Variants in BMAL1 observed in about 807,000 individuals in gnomAD.
The protein encoded by BMAL1 is basic helix-loop-helix ARNT like 1, also known as basic helix-loop-helix ARNT-like protein 1.
the BMAL1 span, chr11:13,381,290 C>A: frequency 6.2e-7 from 1 of 1,601,972 alleles, no homozygotes; most frequent in Non-Finnish European, 8.5e-7. Context: ...GCTAGAGAAC[C>A]TCTTGCCCAA....
chr11:13,289,241 G>A, the BMAL1 span, among the ~76,000 whole-genome samples: 21 of 152,174 alleles, frequency 1.4e-4, no homozygotes, highest in Non-Finnish European at 2.9e-4. Context: ...TAGTGAAGAT[G>A]TACTGGCCCT....
the BMAL1 span, among the ~76,000 whole-genome samples, chr11:13,336,533 C>A: frequency 6.6e-6 from 1 of 152,236 alleles, no homozygotes; most frequent in East Asian, 1.9e-4. Flanking sequence ...GTCAGTCTAC[C>A]AGAAGCTTCC....
the BMAL1 span, chr11:13,355,186 G>A: frequency 1.2e-5 from 18 of 1,563,392 alleles, no homozygotes; most frequent in Middle Eastern, 1.7e-4. Context: ...AAATCTCCGA[G>A]GAGGTATACC....
chr11:13,378,227 C>G, the BMAL1 span: 1 of 1,390,240 alleles, frequency 7.2e-7, no homozygotes, highest in Non-Finnish European at 9.5e-7. Flanking sequence ...AGGCACAACT[C>G]TGATGTTGAA....
chr11:13,372,536 G>T, the BMAL1 span: 3 of 1,415,212 alleles, frequency 2.1e-6, no homozygotes, highest in African/African-American at 2.9e-5. Flanking sequence ...AAAGCTGGGT[G>T]CAGTGGCTCA....
chr11:13,373,926 AAAAG>A, the BMAL1 span, among the ~76,000 whole-genome samples: 2,069 of 152,192 alleles, frequency 0.014, 43 homozygotes, highest in African/African-American at 0.047. Flanking sequence ...ATGCCTGAAA[AAAAG>A]AGAGAAAGAT....
the BMAL1 span, among the ~76,000 whole-genome samples, chr11:13,314,631 A>G: frequency 4.6e-5 from 7 of 152,206 alleles, no homozygotes; most frequent in African/African-American, 1.7e-4. Context: ...TAATCCATCA[A>G]GGAATTCTCA....
the BMAL1 span, chr11:13,277,001 A>C: frequency 9.9e-5 from 15 of 152,254 alleles, no homozygotes; most frequent in African/African-American, 3.6e-4. Flanking sequence ...TCCGCGCTCG[A>C]GTATTCTCTT....
At chr11:13,316,940 C>T in the BMAL1 span, among the ~76,000 whole-genome samples, 1 of 152,202 alleles carries the variant, frequency 6.6e-6, no homozygotes, top group Non-Finnish European at 1.5e-5. Flanking sequence ...CATCAGCTCC[C>T]TGTCTGTCTA....
chr11:13,367,379 T>C, the BMAL1 span, among the ~76,000 whole-genome samples: 1 of 152,146 alleles, frequency 6.6e-6, no homozygotes, highest in Non-Finnish European at 1.5e-5. Context: ...TGTGGGAGGC[T>C]GTACACTCCT....
the BMAL1 span, among the ~76,000 whole-genome samples, chr11:13,286,783 A>G: frequency 6.6e-6 from 1 of 152,174 alleles, no homozygotes; most frequent in African/African-American, 2.4e-5. Context: ...CTTCCATATA[A>G]TTATGTAAAT....
the BMAL1 span, among the ~76,000 whole-genome samples, chr11:13,361,580 T>G: frequency 6.6e-6 from 1 of 152,194 alleles, no homozygotes; most frequent in Admixed American, 6.5e-5. Flanking sequence ...CTGGCCTGTC[T>G]GCTCACTCCA....
At chr11:13,284,230 GTGTGTATATATATATATA>G in the BMAL1 span, among the ~76,000 whole-genome samples, 4 of 20,652 alleles carry the variant, frequency 1.9e-4, no homozygotes, top group Admixed American at 5.7e-4. Context: ...ATATATATGT[GTGTGTATATATATATATA>G]TATATATATA....
At chr11:13,278,808 A>G in the BMAL1 span, among the ~76,000 whole-genome samples, 5 of 152,254 alleles carry the variant, frequency 3.3e-5, no homozygotes, top group Admixed American at 1.3e-4. Context: ...GACAGATGTC[A>G]GGGAAGAAAA....
At chr11:13,343,368 C>T in the BMAL1 span, among the ~76,000 whole-genome samples, 3 of 152,198 alleles carry the variant, frequency 2.0e-5, no homozygotes, top group East Asian at 1.9e-4. Flanking sequence ...AGTCATTCTG[C>T]AGTCATTAAA....
At chr11:13,348,845 T>C in the BMAL1 span, among the ~76,000 whole-genome samples, 1 of 152,174 alleles carries the variant, frequency 6.6e-6, no homozygotes, top group African/African-American at 2.4e-5. Context: ...AGATATTCAT[T>C]TGGAGATCTC....
chr11:13,381,494 TG>T, the BMAL1 span, among the ~76,000 whole-genome samples: 2 of 152,204 alleles, frequency 1.3e-5, no homozygotes, highest in Non-Finnish European at 2.9e-5. Context: ...GAATAAGGAA[TG>T]GGGAACTGTC....
At chr11:13,304,224 G>A in the BMAL1 span, among the ~76,000 whole-genome samples, 7 of 152,150 alleles carry the variant, frequency 4.6e-5, no homozygotes, top group Admixed American at 1.3e-4. Context: ...AGAAGCGGGC[G>A]TTTGCGGGTG....
the BMAL1 span, chr11:13,372,263 G>A: frequency 8.1e-6 from 13 of 1,614,156 alleles, no homozygotes; most frequent in African/African-American, 4.0e-5. Context: ...CAGACAATGA[G>A]GGGTGTAACC....
Sources: gnomAD v4.1 joint callset for allele counts (sites outside exome capture counted in the v4.1 genomes callset) on GRCh38, gnomAD v4.1.1 for gene constraint, MANE v1.5 for transcripts, NCBI Gene and HGNC (gene_info 2026-07-23, HGNC 2026-07-21) for gene names.